INSC: variants seen among roughly 807,000 people sequenced by gnomAD.
INSC encodes the protein protein inscuteable homolog.
INSC carries 67 observed loss-of-function variants against 58.6 expected under a neutral mutation model. The ratio of observed to expected loss-of-function variants is 1.14; its 90% confidence interval spans 0.94 to 1.40. INSC has a LOEUF of 1.40. Ranked by LOEUF, INSC falls within the 40% of genes most tolerant of loss-of-function variation. The probability of loss-of-function intolerance (pLI) is 0.00; values close to 1 mark genes in which losing one functional copy is unlikely to be tolerated. For missense variants in INSC, 714 were observed against 692.0 expected, an observed-to-expected ratio of 1.03 and a Z score of -0.36; for synonymous variants, 262 against 276.1, an observed-to-expected ratio of 0.95 and a Z score of 0.51.
At chr11:15,227,176 C>T (rs1851672580) in intron 9 of INSC, among the ~76,000 whole-genome samples, 1 of 152,168 alleles carries the variant, frequency 6.6e-6, no homozygotes, top group African/African-American at 2.4e-5. Context: ...AATTTAAATC[C>T]TGACTTAGAA....
At chr11:15,121,793 AT>A (rs1178890079) in intron 1 of INSC, among the ~76,000 whole-genome samples, 4 of 152,110 alleles carry the variant, frequency 2.6e-5, no homozygotes, top group Non-Finnish European at 5.9e-5. Context: ...TTCTTCATTT[AT>A]TCAATGGGTT....
intron 8 of INSC, among the ~76,000 whole-genome samples, chr11:15,223,603 G>T (rs573810047): frequency 5.3e-5 from 8 of 152,268 alleles, no homozygotes; most frequent in African/African-American, 1.9e-4. Context: ...TTGCTGTGTC[G>T]GCAGCAATAG....
Position 15,245,961 on chromosome 11 carries a change from C to T in INSC, c.1520C>T (p.Ser507Phe), listed in dbSNP as rs769883877. 6.2e-7 allele frequency: 1 copy of T among 1,614,212 alleles called. No individual in the cohort carries two copies. The highest frequency in any genetic ancestry group is 8.5e-7 in the Non-Finnish European group (1 of 1,180,018). Residue 507 changes from serine to phenylalanine, a missense_variant, in exon 13 of 13, where the codon TCT (serine) becomes TTT (phenylalanine). Transcript: ENST00000379556. ...GTCTGCCCTGAAGGCCTCCAGGACT[C>T]TGACTTTCAGCAGTTGGTCCAGCCT... The part of the protein sequence containing the change: ...AGVCPEGLQD[S>F]DFQQLVQPRL...
Position 15,246,065 on chromosome 11 carries a change from T to A in INSC, c.*25T>A. ...GTGAGTGTGGGCGAAGAAATACATT[T>A]GGCTGTTCTCACACCCCCTCTGACT... On this transcript the variant is annotated 3_prime_UTR_variant, in exon 13 of 13. Transcript: ENST00000379556. 9 of 1,613,860 alleles carry A rather than the reference T, an allele frequency of 5.6e-6. No individual in the cohort carries two copies. The highest frequency in any genetic ancestry group is 7.6e-6 in the Non-Finnish European group (9 of 1,179,804).
intron 3 of INSC, among the ~76,000 whole-genome samples, chr11:15,176,808 T>C (rs1362620251): frequency 1.3e-5 from 2 of 152,222 alleles, no homozygotes; most frequent in African/African-American, 4.8e-5. Context: ...TTTCCTTCCT[T>C]AGCTTTGCAG....
intron 1 of INSC, among the ~76,000 whole-genome samples, chr11:15,137,360 G>C (rs1848270004): frequency 6.6e-6 from 1 of 152,182 alleles, no homozygotes; most frequent in African/African-American, 2.4e-5. Flanking sequence ...AAGAGAGTCA[G>C]CCTGCCCTTT....
At chr11:15,252,708 C>G in the INSC span, among the ~76,000 whole-genome samples, 1 of 152,180 alleles carries the variant, frequency 6.6e-6, no homozygotes, top group Non-Finnish European at 1.5e-5. Context: ...GTAACTGAAT[C>G]TAGCCCTCAT....
chr11:15,205,093 T>G (rs767872094), intron 7 of INSC, among the ~76,000 whole-genome samples: 2 of 152,192 alleles, frequency 1.3e-5, no homozygotes, highest in African/African-American at 4.8e-5. Context: ...TGCCAGTCAG[T>G]CATTCACTTA....
rs746975267 is a variant in INSC at position 15,200,868 on chromosome 11, T to C, written c.738T>C (p.Ser246=). The change falls in exon 7 of 13, where the codon AGT becomes AGC. Residue 246 remains serine (S), a synonymous_variant. Coordinates refer to ENST00000379556, the MANE Select transcript of INSC (RefSeq NM_001042536.3). ...TCTTCAAGGTTTGCCGGCAGGACAG[T>C]TTCCGGTGCTTGTACCCCCAGGCGC... ...VALFKVCRQD[S]FRCLYPQALR... 24 of 1,613,960 alleles carry C rather than the reference T, an allele frequency of 1.5e-5. No individual in the cohort carries two copies. In the South Asian group the frequency reaches 2.6e-4, roughly 18 times the overall value.
In INSC at chr11:15,181,714, A is replaced by G. The variant is rs1849786007; in HGVS notation, c.579+3267A>G. ...TTATTTTTTCCCAGGTAACTTTAAA[A>G]TGGGATAGGAGCATATCAAAATTTT... On this transcript the variant is annotated intron_variant, in intron 5 of 12. Coordinates refer to ENST00000379556, the MANE Select transcript of INSC (RefSeq NM_001042536.3). Among the ~76,000 whole-genome samples the G allele has an allele frequency of 2.6e-5, 4 of 152,188 alleles. No individual in the cohort carries two copies. In the South Asian group the frequency reaches 6.2e-4, roughly 24 times the overall value.
At chr11:15,268,048 G>A in the INSC span, among the ~76,000 whole-genome samples, 24 of 151,978 alleles carry the variant, frequency 1.6e-4, no homozygotes, top group Non-Finnish European at 2.8e-4. Context: ...ACCTCTGCCT[G>A]CATTCCACCT....
At chr11:15,116,805 T>TTTTCTTTCTTTCTCTCTTTC (rs1847710910) in intron 1 of INSC, among the ~76,000 whole-genome samples, 3 of 19,942 alleles carry the variant, frequency 1.5e-4, no homozygotes, top group African/African-American at 4.0e-4. Flanking sequence ...CTTTTCTTTC[T>TTTTCTTTCTTTCTCTCTTTC]TTTCTTTCTT....
At chr11:15,134,809 T>C (rs553252316) in intron 1 of INSC, among the ~76,000 whole-genome samples, 4 of 152,120 alleles carry the variant, frequency 2.6e-5, no homozygotes, top group Non-Finnish European at 4.4e-5. Flanking sequence ...AAGCTGTGAG[T>C]CAAGTCTCAT....
At chr11:15,190,948 C>A in intron 6 of INSC, 134 bp downstream of exon 6, 2 of 591,304 alleles carry the variant, frequency 3.4e-6, no homozygotes, top group South Asian at 2.0e-5. Flanking sequence ...TTGGGAGAGT[C>A]ACTTATCCTA....
At chr11:15,213,381 C>T (rs557027291) in intron 7 of INSC, among the ~76,000 whole-genome samples, 3 of 152,240 alleles carry the variant, frequency 2.0e-5, no homozygotes, top group Admixed American at 6.5e-5. Flanking sequence ...CTAGATGATT[C>T]GAATCATCTA....
Position 15,177,116 on chromosome 11 carries a change from G to A in INSC, c.408G>A (p.Glu136=). ...ATGGACTTATTTTTCTACAGATTGA[G>A]AAGCTGCTAATGGAGAAATGCTCGG... ...RNSLKEMGEI[E]KLLMEKCSEL... Residue 136 remains glutamate (E), a synonymous_variant, in exon 4 of 13, where the codon GAG becomes GAA. Coordinates refer to ENST00000379556, the MANE Select transcript of INSC (RefSeq NM_001042536.3). 6.2e-7 allele frequency: 1 copy of A among 1,613,892 alleles called. No individual in the cohort carries two copies. Among genetic ancestry groups the A allele is most frequent in the South Asian group, 1.1e-5 (1 of 91,060 alleles).
the INSC span, among the ~76,000 whole-genome samples, chr11:15,265,561 A>G: frequency 6.6e-6 from 1 of 151,738 alleles, no homozygotes; most frequent in South Asian, 2.1e-4. Context: ...ACTTATTAGC[A>G]TAAAACTTTC....
chr11:15,146,847 T>C (rs911782048), intron 1 of INSC, among the ~76,000 whole-genome samples: 3 of 152,154 alleles, frequency 2.0e-5, no homozygotes, highest in African/African-American at 7.2e-5. Context: ...TTATGACAAC[T>C]CTTTTTTTTT....
intron 5 of INSC, among the ~76,000 whole-genome samples, chr11:15,182,162 A>G (rs1849803183): frequency 1.3e-5 from 2 of 152,216 alleles, no homozygotes; most frequent in Non-Finnish European, 2.9e-5. Flanking sequence ...CTATCACAGC[A>G]CTACACATAT....
Sources: gnomAD v4.1 joint callset for allele counts (sites outside exome capture counted in the v4.1 genomes callset) on GRCh38, gnomAD v4.1.1 for gene constraint, MANE v1.5 for transcripts, NCBI Gene and HGNC (gene_info 2026-07-23, HGNC 2026-07-21) for gene names.